GRIN2A: variants seen among roughly 807,000 people sequenced by gnomAD.
GRIN2A encodes the protein glutamate receptor ionotropic, NMDA 2A.
In GRIN2A, 22 loss-of-function variants were observed where a neutral mutation model predicts 113.4. That is an observed-to-expected ratio of 0.19 (90% confidence interval 0.14 to 0.28). GRIN2A has a LOEUF of 0.28. Among genes scored for constraint, GRIN2A ranks in the 10% least tolerant of loss-of-function variants. The pLI is 1.00. For missense variants in GRIN2A, 1,502 were observed against 1,887.0 expected, an observed-to-expected ratio of 0.80 and a Z score of 3.78; for synonymous variants, 827 against 738.4, an observed-to-expected ratio of 1.12 and a Z score of -1.94.
intron 2 of GRIN2A, among the ~76,000 whole-genome samples, chr16:10,158,054 G>A (rs151053986): frequency 2.0e-5 from 3 of 151,830 alleles, no homozygotes; most frequent in African/African-American, 7.3e-5. Context: ...ACCAAGGCTG[G>A]AGTACAGTGG....
At chr16:10,091,490 AC>A in intron 2 of GRIN2A, among the ~76,000 whole-genome samples, 2 of 151,034 alleles carry the variant, frequency 1.3e-5, no homozygotes, top group African/African-American at 2.4e-5. Flanking sequence ...ACACACACAC[AC>A]AAACACACAA....
intron 3 of GRIN2A, among the ~76,000 whole-genome samples, chr16:9,929,672 C>G (rs1406535955): frequency 6.6e-6 from 1 of 151,922 alleles, no homozygotes; most frequent in Non-Finnish European, 1.5e-5. Flanking sequence ...GCTTAATTTG[C>G]TTTGTTTTTT....
At chr16:9,879,310 C>T (rs181404223) in intron 4 of GRIN2A, among the ~76,000 whole-genome samples, 164 of 152,222 alleles carry the variant, frequency 1.1e-3, no homozygotes, top group South Asian at 2.1e-3. Flanking sequence ...AGGAGGATGA[C>T]AGGGAAGGAT....
intron 2 of GRIN2A, among the ~76,000 whole-genome samples, chr16:10,014,116 G>C (rs1270687795): frequency 6.6e-6 from 1 of 152,230 alleles, no homozygotes; most frequent in African/African-American, 2.4e-5. Flanking sequence ...GCCTAGCCCA[G>C]CTAATAAATG....
At chr16:9,959,495 T>A (rs1241809908) in intron 2 of GRIN2A, among the ~76,000 whole-genome samples, 6 of 152,220 alleles carry the variant, frequency 3.9e-5, no homozygotes, top group African/African-American at 7.2e-5. Flanking sequence ...AGAGTGAGCC[T>A]GGTTAGTATT....
chr16:9,894,150 A>T (rs568128113), intron 3 of GRIN2A, among the ~76,000 whole-genome samples: 88 of 152,264 alleles, frequency 5.8e-4, no homozygotes, highest in African/African-American at 1.9e-3. Context: ...TTAAGTAAAG[A>T]GTCAGCAAAG....
At chr16:9,987,315 T>A (rs1196652692) in intron 2 of GRIN2A, among the ~76,000 whole-genome samples, 1 of 152,188 alleles carries the variant, frequency 6.6e-6, no homozygotes, top group Non-Finnish European at 1.5e-5. Context: ...AAAACATTAA[T>A]TTTGTAGGTG....
chr16:10,005,902 A>G (rs2046397086), intron 2 of GRIN2A, among the ~76,000 whole-genome samples: 1 of 152,240 alleles, frequency 6.6e-6, no homozygotes, highest in African/African-American at 2.4e-5. Flanking sequence ...TGACACACAC[A>G]TTTACACAAA....
chr16:9,942,559 T>A (rs2044909466), intron 2 of GRIN2A, among the ~76,000 whole-genome samples: 1 of 152,158 alleles, frequency 6.6e-6, no homozygotes, highest in South Asian at 2.1e-4. Context: ...GGTGCTTGTC[T>A]CCACATCCTC....
At chr16:10,023,436 G>A (rs995971465) in intron 2 of GRIN2A, among the ~76,000 whole-genome samples, 1 of 152,164 alleles carries the variant, frequency 6.6e-6, no homozygotes, top group Non-Finnish European at 1.5e-5. Context: ...AACTTTATAT[G>A]TGAGAAAACT....
chr16:9,989,371 C>A (rs2046053955), intron 2 of GRIN2A, among the ~76,000 whole-genome samples: 1 of 152,176 alleles, frequency 6.6e-6, no homozygotes, highest in South Asian at 2.1e-4. Flanking sequence ...CTATCTTTTA[C>A]TATATACAAA....
intron 2 of GRIN2A, among the ~76,000 whole-genome samples, chr16:10,105,604 A>G (rs921211269): frequency 8.5e-5 from 13 of 152,154 alleles, no homozygotes; most frequent in Non-Finnish European, 1.3e-4. Context: ...AGAATTCCCT[A>G]TGAAATTCTA....
At chr16:9,916,098 G>T (rs569688486) in intron 3 of GRIN2A, among the ~76,000 whole-genome samples, 1 of 152,116 alleles carries the variant, frequency 6.6e-6, no homozygotes, top group African/African-American at 2.4e-5. Context: ...GTGTAATCTT[G>T]GTTATATGAT....
intron 2 of GRIN2A, among the ~76,000 whole-genome samples, chr16:10,011,322 G>A (rs2046500744): frequency 6.6e-6 from 1 of 152,204 alleles, no homozygotes; most frequent in South Asian, 2.1e-4. Flanking sequence ...AAGGTGCTAA[G>A]GTACCTGTGG....
At chr16:9,769,451 CT>C (rs34847596) in intron 11 of GRIN2A, among the ~76,000 whole-genome samples, 72,270 of 104,816 alleles carry the variant, frequency 0.69, 23,744 homozygotes, top group Middle Eastern at 0.79. Flanking sequence ...GGAGTTTTGT[CT>C]TTTTTTTTTT....
chr16:10,021,957 A>G (rs1250200447), intron 2 of GRIN2A, among the ~76,000 whole-genome samples: 2 of 152,110 alleles, frequency 1.3e-5, no homozygotes, highest in African/African-American at 4.8e-5. Flanking sequence ...TCTGAGCCTC[A>G]GTTTTCTCAT....
intron 2 of GRIN2A, among the ~76,000 whole-genome samples, chr16:10,162,935 A>G (rs1567342550): frequency 1.3e-5 from 2 of 152,172 alleles, no homozygotes; most frequent in Non-Finnish European, 2.9e-5. Context: ...CTACAAGTAA[A>G]CTAAGCACAT....
chr16:10,067,369 G>A (rs17671033), intron 2 of GRIN2A, among the ~76,000 whole-genome samples: 14,155 of 151,822 alleles, frequency 0.093, 740 homozygotes, highest in Non-Finnish European at 0.11. Flanking sequence ...TTATCTCCCC[G>A]TAAACATACT....
intron 2 of GRIN2A, among the ~76,000 whole-genome samples, chr16:10,157,422 C>T (rs1187678014): frequency 6.6e-6 from 1 of 152,078 alleles, no homozygotes; most frequent in African/African-American, 2.4e-5. Flanking sequence ...TTAAAGGAGA[C>T]AATAATATAC....
Sources: allele counts gnomAD v4.1 joint callset (sites outside exome capture counted in the v4.1 genomes callset), GRCh38; gene constraint gnomAD v4.1.1; transcripts MANE v1.5; gene names NCBI Gene and HGNC (gene_info 2026-07-23, HGNC 2026-07-21).